The following AGFG1 variants were observed in gnomAD, a reference collection of about 807,000 sequenced individuals.
The protein encoded by AGFG1 is ArfGAP with FG repeats 1.
A neutral mutation model predicts 60.6 loss-of-function variants in AGFG1; 10 were observed. The observed-to-expected ratio is 0.16, with a 90% CI of 0.10 to 0.28. The LOEUF (loss-of-function observed/expected upper bound fraction) is 0.28. Ranked by LOEUF, AGFG1 falls within the 10% of genes least tolerant of loss-of-function variation. The pLI is 1.00. For missense variants in AGFG1, 537 were observed against 676.5 expected (o/e 0.79, Z 2.29); for synonymous variants, 247 against 242.9 (o/e 1.02, Z -0.16).
chr2:227,510,249 TACAC>T (rs753132671), intron 2 of AGFG1, among the ~76,000 whole-genome samples: 10 of 151,640 alleles, frequency 6.6e-5, no homozygotes, highest in Admixed American at 1.3e-4. Flanking sequence ...GCACCACACA[TACAC>T]ACACACACAT....
At chr2:227,501,118 T>C (rs558132494) in intron 2 of AGFG1, among the ~76,000 whole-genome samples, 108 of 152,206 alleles carry the variant, frequency 7.1e-4, no homozygotes, top group African/African-American at 2.4e-3. Context: ...AGAGTCTTGG[T>C]CTTGTCGCTC....
At chr2:227,515,446 T>TAATACTGGAG (rs1011951521) in intron 2 of AGFG1, among the ~76,000 whole-genome samples, 1 of 152,182 alleles carries the variant, frequency 6.6e-6, no homozygotes, top group Admixed American at 6.5e-5. Context: ...TGGCTTACTC[T>TAATACTGGAG]AATACTGGAG....
intron 2 of AGFG1, among the ~76,000 whole-genome samples, chr2:227,498,446 A>G (rs1691048736): frequency 6.6e-6 from 1 of 152,216 alleles, no homozygotes; most frequent in African/African-American, 2.4e-5. Flanking sequence ...CAATTAAAAT[A>G]TTAAAGCACA....
intron 2 of AGFG1, among the ~76,000 whole-genome samples, chr2:227,506,746 G>A (rs1205098944): frequency 2.0e-5 from 3 of 151,938 alleles, no homozygotes; most frequent in African/African-American, 4.8e-5. Context: ...TACACTGCTC[G>A]CCCTTTTAAG....
chr2:227,474,824 T>TC, intron 1 of AGFG1, among the ~76,000 whole-genome samples: 1 of 152,230 alleles, frequency 6.6e-6, no homozygotes, highest in East Asian at 1.9e-4. Flanking sequence ...GAATCCTGAC[T>TC]CCAAGTATTA....
intron 4 of AGFG1, 97 bp from the exon 5 acceptor site, chr2:227,524,665 T>C (rs938210275): frequency 7.9e-6 from 10 of 1,261,138 alleles, no homozygotes; most frequent in Non-Finnish European, 1.1e-5. Flanking sequence ...CTGTAACTCT[T>C]CGTATGTATA....
Position 227,541,981 on chromosome 2 carries a change from G to A in AGFG1, c.1378+4988G>A, listed in dbSNP as rs146710028. Among the ~76,000 whole-genome samples the A allele has an allele frequency of 3.9e-5, 6 of 152,264 alleles. No individual in the cohort carries two copies. The South Asian group carries it at 1.2e-3, about 32-fold the overall frequency. Reference sequence around the variant, plus strand: ...CAATTGTGAATGGGAGTTCACTCATGATTTGGCTCTCTGTCTGTTATTGGT... The same window carrying A: ...CAATTGTGAATGGGAGTTCACTCATAATTTGGCTCTCTGTCTGTTATTGGT... On this transcript the variant is annotated intron_variant, in intron 10 of 12. Coordinates refer to ENST00000310078, the MANE Select transcript of AGFG1 (RefSeq NM_004504.5).
intron 1 of AGFG1, among the ~76,000 whole-genome samples, chr2:227,481,335 T>TGTG (rs927626012): frequency 5.3e-5 from 8 of 152,150 alleles, no homozygotes; most frequent in Non-Finnish European, 1.2e-4. Flanking sequence ...TTGAAGTCTC[T>TGTG]GTGGTATAAC....
chr2:227,497,730 GTTTTGTTTTTTTT>G (rs1430880322), intron 2 of AGFG1, among the ~76,000 whole-genome samples: 5,500 of 38,844 alleles, frequency 0.14, 256 homozygotes, highest in African/African-American at 0.23. Flanking sequence ...TTTCTTTCTT[GTTTTGTTTTTTTT>G]TTTTTTTTTT....
chr2:227,551,847 A>G (rs1692830858), intron 10 of AGFG1, 112 bp from the exon 11 acceptor site: 1 of 1,312,108 alleles, frequency 7.6e-7, no homozygotes, highest in Non-Finnish European at 1.1e-6. Flanking sequence ...CCTGCCTTTA[A>G]TGTACATCTT....
At chr2:227,504,436 G>T (rs956891614) in intron 2 of AGFG1, among the ~76,000 whole-genome samples, 1 of 152,120 alleles carries the variant, frequency 6.6e-6, no homozygotes, top group Non-Finnish European at 1.5e-5. Context: ...CAAATGATCC[G>T]CCTGCCTTGG....
intron 5 of AGFG1, 72 bp from the exon 6 acceptor site, chr2:227,531,019 A>T (rs983150708): frequency 2.2e-6 from 3 of 1,334,586 alleles, no homozygotes; most frequent in Non-Finnish European, 3.0e-6. Flanking sequence ...ATAATTCTTA[A>T]ACTCATGTGT....
At chr2:227,507,626 A>G (rs895898266) in intron 2 of AGFG1, among the ~76,000 whole-genome samples, 11 of 148,596 alleles carry the variant, frequency 7.4e-5, no homozygotes, top group African/African-American at 1.5e-4. Flanking sequence ...AAAAAAAAAA[A>G]GCGCCTTTTC....
chr2:227,553,343 A>G (rs1044021744), intron 11 of AGFG1, among the ~76,000 whole-genome samples: 1 of 152,126 alleles, frequency 6.6e-6, no homozygotes, highest in Non-Finnish European at 1.5e-5. Flanking sequence ...AAAAAATACA[A>G]AAATTAGCTG....
Position 227,534,964 on chromosome 2 carries a change from A to T in AGFG1, c.1144A>T (p.Ser382Cys). ...GTATGCAGCTCTGGCAGAACTAGAC[A>T]GCGTTTTCAGTTCTGCAGCCACCTC... ...DKYAALAELD[S>C]VFSSAATSSN... Residue 382 changes from serine to cysteine, a missense_variant, in exon 8 of 13, where the codon AGC becomes TGC. By Grantham distance (112) the Ser-to-Cys change is moderately radical. Around this residue, in one of 4 missense-constraint regions of AGFG1, gnomAD observed 287 missense variants for 343.6 expected, o/e 0.84. Coordinates refer to ENST00000310078, the MANE Select transcript of AGFG1 (RefSeq NM_004504.5). 1 of 1,613,834 alleles carries T rather than the reference A, an allele frequency of 6.2e-7. No individual in the cohort carries two copies.
Position 227,512,337 on chromosome 2 carries a change from A to G in AGFG1, c.262-7611A>G, listed in dbSNP as rs1691518087. On this transcript the variant is annotated intron_variant, in intron 2 of 12. Coordinates refer to ENST00000310078, the MANE Select transcript of AGFG1 (RefSeq NM_004504.5). ...CATCAGTTTCTCTTGTATAAAGCAC[A>G]TGTGGATAGTGTTTTTGTTTGTGCA... 2.0e-5 allele frequency among the ~76,000 whole-genome samples: 3 copies of G among 152,326 alleles called. 1 individual carries two copies. Among genetic ancestry groups the G allele is most frequent in the South Asian group, 4.1e-4 (2 of 4,826 alleles).
chr2:227,522,172 G>C (rs1476417097), intron 3 of AGFG1, among the ~76,000 whole-genome samples: 2 of 152,134 alleles, frequency 1.3e-5, no homozygotes, highest in Admixed American at 6.6e-5. Flanking sequence ...TGTTATACTA[G>C]AAGACATCAG....
At chr2:227,531,525 CTT>C (rs34372948) in intron 6 of AGFG1, among the ~76,000 whole-genome samples, 4 of 130,224 alleles carry the variant, frequency 3.1e-5, no homozygotes, top group South Asian at 2.4e-4. Context: ...CTCTCTGTCT[CTT>C]TTTTTTTTTT....
intron 2 of AGFG1, among the ~76,000 whole-genome samples, chr2:227,507,596 C>G (rs1472699124): frequency 1.5e-5 from 1 of 66,134 alleles, no homozygotes; most frequent in Non-Finnish European, 2.6e-5. Context: ...GAGCGAGACT[C>G]TGTCTCAAAA....
Sources: allele counts gnomAD v4.1 joint callset (sites outside exome capture counted in the v4.1 genomes callset), GRCh38; gene constraint gnomAD v4.1.1; regional missense constraint gnomAD v4.1.1; transcripts MANE v1.5; gene names NCBI Gene and HGNC (gene_info 2026-07-23, HGNC 2026-07-21).